The following CDH13 variants were observed in gnomAD, a reference collection of about 807,000 sequenced individuals.
CDH13 encodes the protein cadherin 13, also known as cadherin-13.
CDH13 carries 24 observed loss-of-function variants against 63.8 expected under a neutral mutation model. The ratio of observed to expected loss-of-function variants is 0.38; its 90% CI spans 0.27 to 0.53. CDH13 has a LOEUF of 0.53. CDH13 is among the 20% of genes least tolerant of loss of function. The pLI is 0.85. For synonymous variants in CDH13, 503 were observed against 355.3 expected (o/e 1.42, Z -4.67); for missense variants, 1,049 against 903.1 (o/e 1.16, Z -2.07).
chr16:83,002,045 G>C (rs553507976), intron 2 of CDH13, among the ~76,000 whole-genome samples: 1 of 152,184 alleles, frequency 6.6e-6, no homozygotes, highest in East Asian at 1.9e-4. Flanking sequence ...GCACTTCAAC[G>C]TGCCATACTG....
At chr16:83,003,744 C>G (rs879413304) in intron 2 of CDH13, among the ~76,000 whole-genome samples, 3 of 152,252 alleles carry the variant, frequency 2.0e-5, no homozygotes, top group Admixed American at 2.0e-4. Context: ...CCTTGGGCAT[C>G]TGTGACTACT....
chr16:83,015,516 G>A (rs962824835), intron 2 of CDH13, among the ~76,000 whole-genome samples: 1 of 150,892 alleles, frequency 6.6e-6, no homozygotes, highest in Non-Finnish European at 1.5e-5. Context: ...TAATCCAAAG[G>A]TCCTCACTTT....
At chr16:82,805,838 G>A (rs1043718461) in intron 1 of CDH13, among the ~76,000 whole-genome samples, 3 of 152,168 alleles carry the variant, frequency 2.0e-5, no homozygotes, top group African/African-American at 7.2e-5. Flanking sequence ...GTGTGTGAAG[G>A]TATGAATCTC....
At chr16:83,322,970 A>G (rs775217564) in intron 5 of CDH13, among the ~76,000 whole-genome samples, 18 of 152,072 alleles carry the variant, frequency 1.2e-4, no homozygotes, top group Non-Finnish European at 1.0e-4. Context: ...CCCATGGAAC[A>G]TACTACTCTG....
At chr16:82,979,799 A>G (rs1910018813) in intron 2 of CDH13, among the ~76,000 whole-genome samples, 1 of 152,164 alleles carries the variant, frequency 6.6e-6, no homozygotes, top group South Asian at 2.1e-4. Context: ...AAAGAGGAAA[A>G]CAATAAGATC....
intron 1 of CDH13, among the ~76,000 whole-genome samples, chr16:82,725,843 C>G (rs540431350): frequency 6.6e-6 from 1 of 152,120 alleles, no homozygotes; most frequent in African/African-American, 2.4e-5. Context: ...ATTTTTAACT[C>G]ATTAACCAGA....
At chr16:82,737,470 G>T (rs10514560) in intron 1 of CDH13, among the ~76,000 whole-genome samples, 4 of 152,182 alleles carry the variant, frequency 2.6e-5, no homozygotes, top group African/African-American at 9.6e-5. Context: ...TCCTTGAAAC[G>T]TGCTCCTTAG....
intron 1 of CDH13, among the ~76,000 whole-genome samples, chr16:82,746,404 G>A (rs1341598649): frequency 1.3e-5 from 2 of 151,954 alleles, no homozygotes; most frequent in South Asian, 2.1e-4. Flanking sequence ...ATCATTGAAA[G>A]TAGAAGGTGT....
chr16:83,195,830 T>A (rs984294980), intron 4 of CDH13, among the ~76,000 whole-genome samples: 2 of 152,184 alleles, frequency 1.3e-5, no homozygotes, highest in African/African-American at 4.8e-5. Context: ...CGTGTCCAAC[T>A]GCTTCTTAGT....
intron 8 of CDH13, among the ~76,000 whole-genome samples, chr16:83,621,707 G>C (rs559826854): frequency 1.1e-4 from 17 of 151,286 alleles, no homozygotes; most frequent in African/African-American, 3.9e-4. Flanking sequence ...GGCTGGTCTG[G>C]AGCTCTTAAC....
At position 83,344,960 on chromosome 16, in the gene CDH13, TCGGGAAGGCCCCTACATCGG is replaced by T; in HGVS notation, c.737_756del (p.Arg246ProfsTer19). The T allele has an allele frequency of 6.2e-7, 1 of 1,614,008 alleles. No individual in the cohort carries two copies. ...ATCAGAATGACAACCGACCGATCTTTCGGGAAGGCCCCTACATCGGCCACGTCATGGAAGGGTCACCCACA... is the reference window on the plus strand; with the variant it reads ...ATCAGAATGACAACCGACCGATCTTTCCACGTCATGGAAGGGTCACCCACA... On this transcript the variant is annotated frameshift_variant, in exon 6 of 14. Coordinates refer to ENST00000567109, the MANE Select transcript of CDH13 (RefSeq NM_001257.5). LOFTEE classifies it high-confidence loss of function.
chr16:83,596,792 T>G (rs1382828488), intron 7 of CDH13, among the ~76,000 whole-genome samples: 1 of 152,210 alleles, frequency 6.6e-6, no homozygotes, highest in Non-Finnish European at 1.5e-5. Flanking sequence ...TGTTGTACAT[T>G]CCAAAGGAGG....
chr16:83,462,163 C>T (rs904357280), intron 6 of CDH13, among the ~76,000 whole-genome samples: 1 of 152,196 alleles, frequency 6.6e-6, no homozygotes, highest in African/African-American at 2.4e-5. Context: ...ATCTGCCTTG[C>T]AGTTCTTCAA....
At chr16:83,705,356 C>A (rs1906860672) in intron 10 of CDH13, among the ~76,000 whole-genome samples, 1 of 152,190 alleles carries the variant, frequency 6.6e-6, no homozygotes, top group Non-Finnish European at 1.5e-5. Context: ...GGCCCGGTGG[C>A]TCACGCCTGT....
At chr16:83,070,552 G>C (rs80119538) in intron 3 of CDH13, among the ~76,000 whole-genome samples, 3,701 of 152,058 alleles carry the variant, frequency 0.024, 155 homozygotes, top group African/African-American at 0.083. Flanking sequence ...AACTATCTTG[G>C]TGATAAAAGT....
chr16:82,796,727 C>T (rs945047606), intron 1 of CDH13, among the ~76,000 whole-genome samples: 1 of 152,328 alleles, frequency 6.6e-6, no homozygotes, highest in South Asian at 2.1e-4. Flanking sequence ...AGCTTCTTTG[C>T]TGTGACAAAT....
rs572566509 is a variant in CDH13, at chr16:83,312,976, G to T, written c.637-31886G>T. Reference sequence around the variant, plus strand: ...TAAAGCATAAGTTTTCCCAGTGCTTGCAGGGAGTCACTAGAAGGATCACAT... The same window carrying T: ...TAAAGCATAAGTTTTCCCAGTGCTTTCAGGGAGTCACTAGAAGGATCACAT... On this transcript the variant is annotated intron_variant, in intron 5 of 13. Coordinates refer to ENST00000567109, the MANE Select transcript of CDH13 (RefSeq NM_001257.5). Among the ~76,000 whole-genome samples the T allele has an allele frequency of 1.2e-3, 187 of 152,272 alleles. 1 individual carries two copies. Among genetic ancestry groups the T allele is most frequent in the African/African-American group, 4.3e-3 (179 of 41,558 alleles).
chr16:83,684,275 G>A (rs897200315), intron 10 of CDH13, among the ~76,000 whole-genome samples: 2 of 152,092 alleles, frequency 1.3e-5, no homozygotes, highest in African/African-American at 4.8e-5. Flanking sequence ...GCTGAGGCAG[G>A]AGAATTTCTT....
intron 5 of CDH13, among the ~76,000 whole-genome samples, chr16:83,232,976 G>C (rs1238987232): frequency 2.0e-5 from 3 of 152,140 alleles, no homozygotes; most frequent in Non-Finnish European, 4.4e-5. Context: ...GATGTTGTCT[G>C]ACCTAGAGAT....
Sources: allele counts gnomAD v4.1 joint callset (sites outside exome capture counted in the v4.1 genomes callset), GRCh38; gene constraint gnomAD v4.1.1; transcripts MANE v1.5; gene names NCBI Gene and HGNC (gene_info 2026-07-23, HGNC 2026-07-21).